Variants in GRAMD1B observed in about 807,000 individuals in gnomAD.
GRAMD1B encodes the protein GRAM domain containing 1B.
In GRAMD1B, 37 loss-of-function variants were observed where a neutral mutation model predicts 99.7. The observed-to-expected ratio is 0.37, with a 90% CI of 0.29 to 0.49. The LOEUF is 0.49. Among genes scored for constraint, GRAMD1B ranks in the 20% least tolerant of loss-of-function variants. The probability of loss-of-function intolerance (pLI) is 0.98; values close to 1 mark genes in which losing one functional copy is unlikely to be tolerated. For synonymous variants in GRAMD1B, 427 were observed against 387.6 expected (o/e 1.10, Z -1.19); for missense variants, 888 against 1,009.2 (o/e 0.88, Z 1.63).
At chr11:123,367,797 G>A (rs1946371133) in intron 1 of GRAMD1B, among the ~76,000 whole-genome samples, 1 of 151,982 alleles carries the variant, frequency 6.6e-6, no homozygotes, top group Admixed American at 6.6e-5. Context: ...ACAGTCCAAA[G>A]TTATGTCCAG....
At chr11:123,447,098 A>G (rs1300692300) in intron 1 of GRAMD1B, among the ~76,000 whole-genome samples, 1 of 152,030 alleles carries the variant, frequency 6.6e-6, no homozygotes, top group Non-Finnish European at 1.5e-5. Context: ...TGGCATTCAG[A>G]CTAAAGCATG....
chr11:123,422,180 A>G (rs553328221), intron 1 of GRAMD1B, among the ~76,000 whole-genome samples: 9 of 152,172 alleles, frequency 5.9e-5, no homozygotes, highest in Non-Finnish European at 1.3e-4. Flanking sequence ...GGATACAAGC[A>G]GGGGTGCTTG....
At chr11:123,440,402 C>T (rs1313094637) in intron 1 of GRAMD1B, among the ~76,000 whole-genome samples, 3 of 152,006 alleles carry the variant, frequency 2.0e-5, no homozygotes, top group South Asian at 2.1e-4. Context: ...CCCAGCTACT[C>T]GGGAGGCTGA....
chr11:123,401,727 A>G (rs1416214884), intron 1 of GRAMD1B, among the ~76,000 whole-genome samples: 3 of 152,120 alleles, frequency 2.0e-5, no homozygotes. Context: ...CTACCAAAAA[A>G]TAAGTAAATA....
chr11:123,550,075 C>T (rs1243170852), intron 2 of GRAMD1B, among the ~76,000 whole-genome samples: 2 of 152,202 alleles, frequency 1.3e-5, no homozygotes, highest in Non-Finnish European at 2.9e-5. Context: ...TCCGTACCTC[C>T]GTGCCATCCT....
At chr11:123,438,205 C>G (rs1041320214) in intron 1 of GRAMD1B, among the ~76,000 whole-genome samples, 1 of 152,176 alleles carries the variant, frequency 6.6e-6, no homozygotes, top group African/African-American at 2.4e-5. Flanking sequence ...CCTCGGTCCC[C>G]CCAGGCAGGT....
intron 2 of GRAMD1B, among the ~76,000 whole-genome samples, chr11:123,575,331 AT>A (rs1277193069): frequency 6.6e-6 from 1 of 152,096 alleles, no homozygotes; most frequent in Non-Finnish European, 1.5e-5. Flanking sequence ...TGAGATAGGC[AT>A]GTACTTGATT....
At chr11:123,547,085 A>C (rs1426338888) in intron 2 of GRAMD1B, among the ~76,000 whole-genome samples, 2 of 152,108 alleles carry the variant, frequency 1.3e-5, no homozygotes, top group Non-Finnish European at 2.9e-5. Flanking sequence ...TTCCTTTCCT[A>C]CTTTTATCAC....
rs1948350332 is a variant in GRAMD1B, at chr11:123,419,596, A to G, written c.-176+60797A>G. 2.6e-5 allele frequency among the ~76,000 whole-genome samples: 4 copies of G among 152,208 alleles called. No homozygotes were observed. The East Asian group carries it at 5.8e-4, about 22-fold the overall frequency. ...CAGTAAACTATGATTGTGCTACTGC[A>G]CTCCAGCCTAGGTGACAGAGACCCT... On this transcript the variant is annotated intron_variant, in intron 1 of 20. Transcript: ENST00000638157.
At chr11:123,601,922 A>C (rs1230639857) in intron 8 of GRAMD1B, among the ~76,000 whole-genome samples, 1 of 152,254 alleles carries the variant, frequency 6.6e-6, no homozygotes, top group Admixed American at 6.5e-5. Context: ...GTGGTTGGCC[A>C]AGCCAAGCCA....
intron 1 of GRAMD1B, among the ~76,000 whole-genome samples, chr11:123,467,394 C>CTTTTTTT (rs11447711): frequency 8.9e-4 from 92 of 103,262 alleles, no homozygotes; most frequent in Middle Eastern, 7.4e-3. Context: ...TTTTCAACAC[C>CTTTTTTT]TTTTTTTTTT....
At chr11:123,445,818 CAA>C (rs36123733) in intron 1 of GRAMD1B, among the ~76,000 whole-genome samples, 19 of 94,132 alleles carry the variant, frequency 2.0e-4, no homozygotes, top group Non-Finnish European at 3.2e-4. Flanking sequence ...CACTTGTCTC[CAA>C]AAAAAAAAAA....
intron 1 of GRAMD1B, among the ~76,000 whole-genome samples, chr11:123,451,785 T>C (rs1375145982): frequency 6.6e-6 from 1 of 152,064 alleles, no homozygotes; most frequent in Non-Finnish European, 1.5e-5. Context: ...CTTCTTCTCT[T>C]GAAAGATGTA....
At chr11:123,509,417 A>G (rs1170301898) in intron 2 of GRAMD1B, among the ~76,000 whole-genome samples, 1 of 152,182 alleles carries the variant, frequency 6.6e-6, no homozygotes, top group Admixed American at 6.5e-5. Flanking sequence ...CAGGAAGGAC[A>G]TGGGTGTTTT....
At chr11:123,468,807 A>G (rs1307624241) in intron 1 of GRAMD1B, among the ~76,000 whole-genome samples, 1 of 151,356 alleles carries the variant, frequency 6.6e-6, no homozygotes, top group Non-Finnish European at 1.5e-5. Context: ...AAAAAAAAAA[A>G]AAAAAAAAGT....
At chr11:123,607,562 G>A (rs1015950234) in intron 11 of GRAMD1B, among the ~76,000 whole-genome samples, 1 of 152,244 alleles carries the variant, frequency 6.6e-6, no homozygotes, top group Admixed American at 6.5e-5. Flanking sequence ...CTAGAGTCCA[G>A]GGTTGGCACA....
chr11:123,586,939 C>T (rs1359245962), intron 4 of GRAMD1B, among the ~76,000 whole-genome samples: 4 of 152,216 alleles, frequency 2.6e-5, no homozygotes, highest in Non-Finnish European at 2.9e-5. Flanking sequence ...GGCATTGTAA[C>T]GCCCAGCCCT....
chr11:123,470,025 TG>T, intron 1 of GRAMD1B, among the ~76,000 whole-genome samples: 1 of 152,258 alleles, frequency 6.6e-6, no homozygotes, highest in East Asian at 1.9e-4. Flanking sequence ...TAACAAAGTA[TG>T]GGGAAATAGA....
intron 1 of GRAMD1B, among the ~76,000 whole-genome samples, chr11:123,444,069 C>T (rs1295386496): frequency 6.6e-6 from 1 of 152,016 alleles, no homozygotes; most frequent in Non-Finnish European, 1.5e-5. Flanking sequence ...TGTATTCAGA[C>T]CTTTAAAAGG....
Sources: allele counts gnomAD v4.1 joint callset (sites outside exome capture counted in the v4.1 genomes callset), GRCh38; gene constraint gnomAD v4.1.1; transcripts MANE v1.5; gene names NCBI Gene and HGNC (gene_info 2026-07-23, HGNC 2026-07-21).